RALGAPA2: variants seen among roughly 807,000 people sequenced by gnomAD.
The protein encoded by RALGAPA2 is Ral GTPase activating protein catalytic subunit alpha 2.
Under a neutral mutation model 230.4 loss-of-function variants are expected in RALGAPA2, and 139 were observed. The observed-to-expected ratio is 0.60, with a 90% CI of 0.53 to 0.69. The LOEUF is 0.69. Among genes scored for constraint, RALGAPA2 ranks in the 30% least tolerant of loss-of-function variants. The pLI, the probability that RALGAPA2 is intolerant of heterozygous loss-of-function variation, is 0.00. For synonymous variants in RALGAPA2, 847 were observed against 837.8 expected (o/e 1.01, Z -0.19); for missense variants, 2,163 against 2,276.0 (o/e 0.95, Z 1.01).
At chr20:20,696,100 A>G (rs530254810) in intron 1 of RALGAPA2, among the ~76,000 whole-genome samples, 2 of 152,188 alleles carry the variant, frequency 1.3e-5, no homozygotes, top group East Asian at 3.9e-4. Context: ...GGCCCATTAC[A>G]TGGCCCAATG....
At chr20:20,418,382 G>A (rs1486402976) in intron 37 of RALGAPA2, among the ~76,000 whole-genome samples, 1 of 152,172 alleles carries the variant, frequency 6.6e-6, no homozygotes, top group African/African-American at 2.4e-5. Flanking sequence ...GGAGCCCCAA[G>A]AACCTGCTGC....
chr20:20,512,246 C>CACACACACACACAT (rs1390755653), intron 32 of RALGAPA2, among the ~76,000 whole-genome samples: 6 of 151,274 alleles, frequency 4.0e-5, no homozygotes, highest in African/African-American at 1.5e-4. Flanking sequence ...CACATACACA[C>CACACACACACACAT]ACACACACAC....
chr20:20,448,346 T>G (rs954972878), intron 37 of RALGAPA2, among the ~76,000 whole-genome samples: 5 of 152,322 alleles, frequency 3.3e-5, no homozygotes, highest in East Asian at 1.9e-4. Flanking sequence ...CCATAGGTTG[T>G]CCGGTTGTTA....
intron 1 of RALGAPA2, among the ~76,000 whole-genome samples, chr20:20,693,563 C>A (rs990273122): frequency 6.6e-6 from 1 of 152,156 alleles, no homozygotes; most frequent in African/African-American, 2.4e-5. Context: ...CACCTCCACC[C>A]CTCTAACTAA....
chr20:20,494,971 A>AT, intron 36 of RALGAPA2, 146 bp downstream of exon 36: 9 of 659,650 alleles, frequency 1.4e-5, no homozygotes, highest in Non-Finnish European at 2.1e-5. Context: ...TAATTCCTAT[A>AT]AAGCATGCAT....
At chr20:20,451,726 T>C (rs1399581409) in intron 37 of RALGAPA2, among the ~76,000 whole-genome samples, 1 of 152,218 alleles carries the variant, frequency 6.6e-6, no homozygotes, top group Non-Finnish European at 1.5e-5. Context: ...GCACAACTGA[T>C]CCAAAGTTTA....
chr20:20,400,174 T>C (rs1159268464), intron 38 of RALGAPA2, among the ~76,000 whole-genome samples: 1 of 152,170 alleles, frequency 6.6e-6, no homozygotes, highest in Non-Finnish European at 1.5e-5. Flanking sequence ...CACTCAACAC[T>C]GGCAACCCAA....
At chr20:20,435,613 T>C (rs890287575) in intron 37 of RALGAPA2, among the ~76,000 whole-genome samples, 11 of 152,194 alleles carry the variant, frequency 7.2e-5, no homozygotes, top group African/African-American at 4.8e-5. Flanking sequence ...TGCTGTGCCA[T>C]AGCAAAGTGG....
chr20:20,681,835 G>C (rs1239997814), intron 1 of RALGAPA2, among the ~76,000 whole-genome samples: 1 of 151,956 alleles, frequency 6.6e-6, no homozygotes, highest in African/African-American at 2.4e-5. Context: ...CTTCAGCCTG[G>C]GCAAGAGTGA....
In RALGAPA2 at chr20:20,439,800, T is replaced by C. The variant is rs986342304; in HGVS notation, c.5496-27652A>G. On this transcript the variant is annotated intron_variant, in intron 37 of 39. Coordinates refer to ENST00000202677, the MANE Select transcript of RALGAPA2 (RefSeq NM_020343.4). ...CCTACTGAAATGTACACACCATGAG[T>C]ACAAAGTACAAGGTGCTGTTCAGCT... is the stretch of plus-strand genomic sequence containing the variant. Among the ~76,000 whole-genome samples, 3 of 152,200 alleles carry C rather than the reference T, an allele frequency of 2.0e-5. No homozygotes were observed. The South Asian group carries it at 6.2e-4, about 32-fold the overall frequency.
chr20:20,441,143 G>T (rs1451640965), intron 37 of RALGAPA2, among the ~76,000 whole-genome samples: 4 of 152,200 alleles, frequency 2.6e-5, no homozygotes, highest in Non-Finnish European at 4.4e-5. Flanking sequence ...TTAATGGAGT[G>T]GTCAGAAAGG....
chr20:20,512,802 A>G lies in RALGAPA2; in HGVS notation c.4567T>C (p.Leu1523=). ...CTTGTATGGCCAATGTTTTCAAGTA[A>G]TTTGTCAAGAACATCATCCCCCTCC... is the stretch of plus-strand genomic sequence containing the variant. ...VEEGDDVLDK[L]LENIGHTSPE... is the part of the protein sequence containing the mutation. Residue 1523 remains leucine, a synonymous_variant, in exon 32 of 40, where the codon TTA becomes CTA. Coordinates refer to ENST00000202677, the MANE Select transcript of RALGAPA2 (RefSeq NM_020343.4). 6.2e-7 allele frequency: 1 copy of G among 1,613,826 alleles called. No individual in the cohort carries two copies. Among genetic ancestry groups the G allele is most frequent in the Non-Finnish European group, 8.5e-7 (1 of 1,179,750 alleles).
At chr20:20,603,904 T>C (rs1205669440) in intron 15 of RALGAPA2, among the ~76,000 whole-genome samples, 1 of 152,180 alleles carries the variant, frequency 6.6e-6, no homozygotes, top group Admixed American at 6.5e-5. Flanking sequence ...CAATAAGCAG[T>C]GTGTACCCTT....
intron 20 of RALGAPA2, among the ~76,000 whole-genome samples, chr20:20,581,716 C>G (rs1487509119): frequency 6.6e-6 from 1 of 152,026 alleles, no homozygotes; most frequent in Non-Finnish European, 1.5e-5. Context: ...TTACTGAATA[C>G]CACCTTCATA....
At chr20:20,462,620 C>T (rs1258095616) in intron 37 of RALGAPA2, among the ~76,000 whole-genome samples, 1 of 152,168 alleles carries the variant, frequency 6.6e-6, no homozygotes, top group African/African-American at 2.4e-5. Flanking sequence ...CCTTTCAAGG[C>T]TAACATGATG....
intron 37 of RALGAPA2, among the ~76,000 whole-genome samples, chr20:20,427,832 A>G (rs76473575): frequency 0.011 from 1,628 of 151,724 alleles, 35 homozygotes; most frequent in African/African-American, 0.038. Context: ...TGGACAACAT[A>G]TATCATCAAG....
chr20:20,583,032 T>C lies in RALGAPA2; in HGVS notation c.2707+18A>G, dbSNP rs967270028. On this transcript the variant is annotated intron_variant, in intron 20 of 39. Coordinates refer to ENST00000202677, the MANE Select transcript of RALGAPA2 (RefSeq NM_020343.4). ...CCAGCTGTTTGCATTAGTGCCTCTT[T>C]TTCAAAATGCAATTTACCTGTTAAA... 1 of 1,610,924 alleles carries C rather than the reference T, an allele frequency of 6.2e-7. No individual in the cohort carries two copies. Among genetic ancestry groups the C allele is most frequent in the African/African-American group, 1.3e-5 (1 of 74,870 alleles).
intron 1 of RALGAPA2, among the ~76,000 whole-genome samples, chr20:20,704,805 G>A (rs1347098926): frequency 6.6e-6 from 1 of 152,108 alleles, no homozygotes; most frequent in African/African-American, 2.4e-5. Flanking sequence ...ATCTACTTAC[G>A]CCACAGGATA....
At chr20:20,440,188 G>C (rs1371165030) in intron 37 of RALGAPA2, among the ~76,000 whole-genome samples, 3 of 152,154 alleles carry the variant, frequency 2.0e-5, no homozygotes, top group South Asian at 4.1e-4. Context: ...TATAAAGGAA[G>C]ATAGAGAAAG....
Sources: gnomAD v4.1 joint callset for allele counts (sites outside exome capture counted in the v4.1 genomes callset) on GRCh38, gnomAD v4.1.1 for gene constraint, MANE v1.5 for transcripts, NCBI Gene and HGNC (gene_info 2026-07-23, HGNC 2026-07-21) for gene names.